The following JAK1 variants were observed in gnomAD, a reference collection of about 807,000 sequenced individuals.
The protein encoded by JAK1 is tyrosine-protein kinase JAK1.
A neutral mutation model predicts 136.6 loss-of-function variants in JAK1; 16 were observed. That is an observed-to-expected ratio of 0.12 (90% CI 0.08 to 0.18). The LOEUF (loss-of-function observed/expected upper bound fraction) is 0.18, where lower values mean the gene tolerates loss of function less well. Among genes scored for constraint, JAK1 ranks in the 10% least tolerant of loss-of-function variants. JAK1 has a pLI of 1.00. For missense variants in JAK1, 859 were observed against 1,450.1 expected (o/e 0.59, Z 6.62); for synonymous variants, 492 against 519.5 (o/e 0.95, Z 0.72).
intron 2 of JAK1, among the ~76,000 whole-genome samples, chr1:65,002,996 G>C (rs1402048599): frequency 6.6e-6 from 1 of 151,610 alleles, no homozygotes; most frequent in Admixed American, 6.6e-5. Flanking sequence ...CGCCTCGCAC[G>C]GCGTGAGACA....
intron 1 of JAK1, among the ~76,000 whole-genome samples, chr1:64,933,280 C>T (rs1050540069): frequency 3.3e-5 from 5 of 152,240 alleles, no homozygotes; most frequent in African/African-American, 7.2e-5. Context: ...GCTCCTACCC[C>T]CGTTTTGAAC....
chr1:64,978,927 A>G (rs1347584645), intron 2 of JAK1, among the ~76,000 whole-genome samples: 1 of 151,704 alleles, frequency 6.6e-6, no homozygotes, highest in Non-Finnish European at 1.5e-5. Context: ...TTTGGATCAC[A>G]TTATTTTATG....
intron 2 of JAK1, among the ~76,000 whole-genome samples, chr1:64,995,858 C>G (rs1421886285): frequency 6.6e-6 from 1 of 152,138 alleles, no homozygotes; most frequent in Non-Finnish European, 1.5e-5. Context: ...CCCACCTCAG[C>G]CTCCTGAGTA....
At chr1:64,857,359 G>T (rs1455804225) in intron 10 of JAK1, among the ~76,000 whole-genome samples, 1 of 152,142 alleles carries the variant, frequency 6.6e-6, no homozygotes, top group Non-Finnish European at 1.5e-5. Flanking sequence ...CCAAGTGTTG[G>T]GTGTGAATTG....
At chr1:64,886,111 A>G in intron 2 of JAK1, 148 bp downstream of exon 2, 1 of 534,018 alleles carries the variant, frequency 1.9e-6, no homozygotes, top group Non-Finnish European at 3.3e-6. Context: ...TTTAACCAGC[A>G]TACTCAACAT....
intron 2 of JAK1, among the ~76,000 whole-genome samples, chr1:65,036,495 A>C (rs551519612): frequency 1.9e-4 from 29 of 152,302 alleles, no homozygotes; most frequent in Non-Finnish European, 3.1e-4. Context: ...TGAAGGAAAT[A>C]AGAGACCAGA....
chr1:64,865,064 C>T (rs1384309915), intron 7 of JAK1, 92 bp from the exon 8 acceptor site: 4 of 1,006,782 alleles, frequency 4.0e-6, no homozygotes, highest in African/African-American at 3.2e-5. Flanking sequence ...TATGCAGGGC[C>T]TAGGTCCAAG....
At chr1:64,917,198 T>A (rs1645413114) in intron 1 of JAK1, among the ~76,000 whole-genome samples, 2 of 152,156 alleles carry the variant, frequency 1.3e-5, no homozygotes, top group South Asian at 4.1e-4. Context: ...ATTCTCAGGC[T>A]TTTTAACAGC....
chr1:64,878,847 C>T (rs1346677058), intron 4 of JAK1, among the ~76,000 whole-genome samples, 178 bp downstream of exon 4: 1 of 152,064 alleles, frequency 6.6e-6, no homozygotes, highest in African/African-American at 2.4e-5. Context: ...TGATCAAACT[C>T]ATCTTGAATT....
intron 1 of JAK1, among the ~76,000 whole-genome samples, chr1:64,901,526 A>G (rs369040171): frequency 7.9e-5 from 12 of 152,220 alleles, no homozygotes; most frequent in East Asian, 5.8e-4. Context: ...AAGGTCAGCC[A>G]GCAGGTGAAA....
intron 1 of JAK1, among the ~76,000 whole-genome samples, chr1:64,911,465 C>A (rs1645284708): frequency 6.6e-6 from 1 of 152,196 alleles, no homozygotes; most frequent in Admixed American, 6.5e-5. Flanking sequence ...ACACCCCCAA[C>A]AATATCATGC....
At position 64,836,259 on chromosome 1, in the gene JAK1, C is replaced by T. The variant is rs138357506; in HGVS notation, c.3141-44G>A. The T allele has an allele frequency of 7.5e-5, 83 of 1,100,898 alleles. No individual in the cohort carries two copies. In the African/African-American group the frequency reaches 1.2e-3, roughly 16 times the overall value. 68.2% of individuals were successfully genotyped at this position (1,100,898 alleles called of 1,614,324 possible). On this transcript the variant is annotated intron_variant, in intron 22 of 24. Coordinates refer to ENST00000342505, the MANE Select transcript of JAK1 (RefSeq NM_002227.4). ...ACAAAACTTCATTTCCTGGGAGGCA[C>T]ACTCCATCCGACATTACAGGATAAC...
intron 1 of JAK1, among the ~76,000 whole-genome samples, chr1:64,900,650 A>T: frequency 6.6e-6 from 1 of 152,050 alleles, no homozygotes; most frequent in East Asian, 1.9e-4. Flanking sequence ...TACTGCAACA[A>T]TCTCCTGAAA....
At chr1:65,045,623 T>A (rs999959631) in intron 1 of JAK1, among the ~76,000 whole-genome samples, 14 of 152,180 alleles carry the variant, frequency 9.2e-5, no homozygotes, top group Non-Finnish European at 7.3e-5. Flanking sequence ...AGTGCCCTCC[T>A]CATAGAACTG....
At chr1:65,049,737 G>A (rs1647234770) in intron 1 of JAK1, among the ~76,000 whole-genome samples, 2 of 152,166 alleles carry the variant, frequency 1.3e-5, no homozygotes, top group African/African-American at 4.8e-5. Flanking sequence ...AGGCCATGAT[G>A]TCCAAGGAAC....
At chr1:65,023,608 C>T (rs1027789624) in intron 2 of JAK1, among the ~76,000 whole-genome samples, 4 of 152,108 alleles carry the variant, frequency 2.6e-5, no homozygotes, top group African/African-American at 7.2e-5. Flanking sequence ...CTCAGCCTCC[C>T]GAGGAGCTGG....
At chr1:64,952,933 C>T (rs760762156) in intron 1 of JAK1, among the ~76,000 whole-genome samples, 1 of 152,178 alleles carries the variant, frequency 6.6e-6, no homozygotes, top group Non-Finnish European at 1.5e-5. Flanking sequence ...GAAACTGAGG[C>T]ACAAAGCGGT....
At chr1:64,847,778 G>T in intron 12 of JAK1, 103 bp from the exon 13 acceptor site, 1 of 1,335,010 alleles carries the variant, frequency 7.5e-7, no homozygotes, top group Non-Finnish European at 1.0e-6. Context: ...AATGGGATGG[G>T]GCAAAGGCAA....
At chr1:64,919,245 C>T (rs1328724860) in intron 1 of JAK1, among the ~76,000 whole-genome samples, 1 of 152,134 alleles carries the variant, frequency 6.6e-6, no homozygotes, top group African/African-American at 2.4e-5. Flanking sequence ...CAATTCCCAC[C>T]TATGAGTCAG....
Sources: gnomAD v4.1 joint callset for allele counts (sites outside exome capture counted in the v4.1 genomes callset) on GRCh38, gnomAD v4.1.1 for gene constraint, MANE v1.5 for transcripts, NCBI Gene and HGNC (gene_info 2026-07-23, HGNC 2026-07-21) for gene names.